Variants in ATG9A observed in about 807,000 individuals in gnomAD.
ATG9A encodes the protein autophagy related 9A.
ATG9A carries 21 observed loss-of-function variants against 87.1 expected under a neutral mutation model. The observed-to-expected ratio is 0.24, with a 90% CI of 0.17 to 0.35. ATG9A has a LOEUF of 0.35. Ranked by LOEUF, ATG9A falls within the 10% of genes least tolerant of loss-of-function variation. ATG9A has a pLI of 1.00. For synonymous variants in ATG9A, 422 were observed against 441.3 expected (o/e 0.96, Z 0.55); for missense variants, 836 against 1,107.3 (o/e 0.76, Z 3.48).
Position 219,222,401 on chromosome 2 carries a change from G to A in ATG9A, c.1898C>T (p.Pro633Leu). ...NVVAGSSCRG[P>L]PLPRDLQGSR... ...GCCCTGCAGGTCTCTGGGCAGTGGA[G>A]GGCCCCGGCAGGATGAGCCAGCTAC... is the stretch of plus-strand genomic sequence containing the variant. Residue 633 changes from proline to leucine, a missense_variant, in exon 12 of 16, where the codon CCT becomes CTT. Pro to Leu is a moderately conservative substitution (Grantham distance 98, BLOSUM62 -3). Coordinates refer to ENST00000361242, the MANE Select transcript of ATG9A (RefSeq NM_001077198.3). The surrounding 1 kb of genome is among the most constrained non-coding windows in gnomAD (Gnocchi z 4.3). 3 of 1,594,444 alleles carry A rather than the reference G, an allele frequency of 1.9e-6. No homozygotes were observed. Among genetic ancestry groups the A allele is most frequent in the Non-Finnish European group, 2.6e-6 (3 of 1,170,440 alleles).
At chr2:219,227,871 T>C in intron 3 of ATG9A, 51 bp downstream of exon 3, 2 of 1,612,600 alleles carry the variant, frequency 1.2e-6, no homozygotes, top group Non-Finnish European at 1.7e-6. Flanking sequence ...CCTTGCTCTC[T>C]CCATGTTCTT....
chr2:219,221,428 T>G (rs757444645), intron 13 of ATG9A, 126 bp from the exon 14 acceptor site: 2 of 846,556 alleles, frequency 2.4e-6, no homozygotes, highest in Non-Finnish European at 3.6e-6. Context: ...TCAGAGCACC[T>G]ATTATGTTAA....
chr2:219,220,414 A>C lies in ATG9A; in HGVS notation c.*33T>G, dbSNP rs1346027400. ...GGATGGCAGGGCAGCGGTGGCCTCC[A>C]TCCTGGGCCACAGGAACCCTGCTCA... is the stretch of plus-strand genomic sequence containing the variant. On this transcript the variant is annotated 3_prime_UTR_variant, in exon 16 of 16. Transcript: ENST00000361242. 2 of 1,613,072 alleles carry C rather than the reference A, an allele frequency of 1.2e-6. No individual in the cohort carries two copies. The highest frequency in any genetic ancestry group is 2.7e-5 in the African/African-American group (2 of 75,010).
chr2:219,222,596 G>C lies in ATG9A; in HGVS notation c.1848+49C>G. ...CCCATGCCCGGTCCCTCAACTCCCA[G>C]CTCCTGAAGTCCACTCTGCCCATCA... is the stretch of plus-strand genomic sequence containing the variant. On this transcript the variant is annotated intron_variant, in intron 11 of 15. Transcript: ENST00000361242. This position sits in a 1 kb window ranked among gnomAD's most constrained non-coding sequence, Gnocchi z 4.3. 1 of 1,607,376 alleles carries C rather than the reference G, an allele frequency of 6.2e-7. No individual in the cohort carries two copies. Among genetic ancestry groups the C allele is most frequent in the Non-Finnish European group, 8.5e-7 (1 of 1,174,830 alleles).
Position 219,224,536 on chromosome 2 carries a change from G to A in ATG9A, c.835C>T (p.Arg279Trp). 4 of 1,614,164 alleles carry A rather than the reference G, an allele frequency of 2.5e-6. No homozygotes were observed. The highest frequency in any genetic ancestry group is 1.1e-5 in the South Asian group (1 of 91,088). The change falls in exon 8 of 16, where the codon CGG (arginine) becomes TGG (tryptophan). Residue 279 changes from arginine to tryptophan, a missense_variant. Coordinates refer to ENST00000361242, the MANE Select transcript of ATG9A (RefSeq NM_001077198.3). The surrounding 1 kb of genome is among the most constrained non-coding windows in gnomAD (Gnocchi z 7.7). The part of the protein sequence containing the change: ...LKAEYKRGGQ[R>W]LELAQRLSNR... Reference sequence around the variant, plus strand: ...CTGAGGCGCTGGGCCAGCTCTAGCCGTTGCCCCCCACGTTTGTACTCGGCC... The same window carrying A: ...CTGAGGCGCTGGGCCAGCTCTAGCCATTGCCCCCCACGTTTGTACTCGGCC...
chr2:219,228,378 C>CTT, intron 2 of ATG9A, 56 bp downstream of exon 2: 1 of 259,950 alleles, frequency 3.8e-6, no homozygotes, highest in East Asian at 8.1e-5. Context: ...TCCCAAGAGA[C>CTT]TAACAGTTTG....
rs1326141662 is a variant in ATG9A, at chr2:219,224,124, A to C, written c.1247T>G (p.Val416Gly). 1.2e-6 allele frequency: 2 copies of C among 1,613,074 alleles called. No individual in the cohort carries two copies. Among genetic ancestry groups the C allele is most frequent in the Admixed American group, 3.3e-5 (2 of 59,982 alleles). Reference protein sequence around the residue: ...HVLTTVTLLGVTVTVCRSFIP... With the variant: ...HVLTTVTLLGGTVTVCRSFIP... The stretch of plus-strand genomic sequence containing the variant: ...GGCCCACCTGCACACGGTCACGGTG[A>C]CCCCCAGGAGTGTGACGGTGGTCAG... Residue 416 changes from valine (V) to glycine (G), a missense_variant, in exon 8 of 16, where the codon GTC (valine) becomes GGC (glycine). Around this residue, in one of 2 missense-constraint regions of ATG9A, gnomAD observed 512 missense variants for 759.6 expected, o/e 0.67. Coordinates refer to ENST00000361242, the MANE Select transcript of ATG9A (RefSeq NM_001077198.3). This position sits in a 1 kb window ranked among gnomAD's most constrained non-coding sequence, Gnocchi z 7.7.
chr2:219,224,531 T>C lies in ATG9A; in HGVS notation c.840A>G (p.Leu280=). The C allele has an allele frequency of 1.2e-6, 2 of 1,614,170 alleles. No homozygotes were observed. The highest frequency in any genetic ancestry group is 1.7e-6 in the Non-Finnish European group (2 of 1,180,026). Residue 280 remains leucine, a synonymous_variant, in exon 8 of 16, where the codon CTA becomes CTG. Coordinates refer to ENST00000361242, the MANE Select transcript of ATG9A (RefSeq NM_001077198.3). This position sits in a 1 kb window ranked among gnomAD's most constrained non-coding sequence, Gnocchi z 7.7. ...KAEYKRGGQR[L]ELAQRLSNRI... ...GGTTGCTGAGGCGCTGGGCCAGCTC[T>C]AGCCGTTGCCCCCCACGTTTGTACT...
In ATG9A at chr2:219,225,584, GGAA is replaced by G; in HGVS notation, c.213-15_213-13del. On this transcript the variant is annotated splice_polypyrimidine_tract_variant and intron_variant, in intron 5 of 15. Transcript: ENST00000361242. Reference sequence around the variant, plus strand: ...CAAAGAGGAACTGCCTGGGGAGTTGGGAAGAAGGGGTGCAGTCTGAGAGCCAGA... The same window carrying G: ...CAAAGAGGAACTGCCTGGGGAGTTGGGAAGGGGTGCAGTCTGAGAGCCAGA... 1 of 1,613,110 alleles carries G rather than the reference GGAA, an allele frequency of 6.2e-7. No homozygotes were observed. Among genetic ancestry groups the G allele is most frequent in the Admixed American group, 1.7e-5 (1 of 59,964 alleles).
intron 15 of ATG9A, 121 bp from the exon 16 acceptor site, chr2:219,220,573 G>A (rs1048539954): frequency 1.0e-5 from 16 of 1,529,714 alleles, no homozygotes; most frequent in Middle Eastern, 3.4e-4. Context: ...GGTAAGGTAA[G>A]GAAAAACCAA....
chr2:219,223,519 T>A lies in ATG9A; in HGVS notation c.1599+66A>T. Reference sequence around the variant, plus strand: ...ACTCAGGAGAGGTGTCTTTTTGCGGTTTTCCCAAAGACACTGTATGTTCCA... The same window carrying A: ...ACTCAGGAGAGGTGTCTTTTTGCGGATTTCCCAAAGACACTGTATGTTCCA... On this transcript the variant is annotated intron_variant, in intron 10 of 15. Coordinates refer to ENST00000361242, the MANE Select transcript of ATG9A (RefSeq NM_001077198.3). The surrounding 1 kb of genome is among the most constrained non-coding windows in gnomAD (Gnocchi z 4.7). 6.6e-7 allele frequency: 1 copy of A among 1,504,958 alleles called. No homozygotes were observed. The highest frequency in any genetic ancestry group is 8.9e-7 in the Non-Finnish European group (1 of 1,122,848). 93.2% of individuals were successfully genotyped at this position (1,504,958 alleles called of 1,614,324 possible).
intron 1 of ATG9A, 199 bp from the exon 2 acceptor site, chr2:219,228,684 G>C (rs1313977637): frequency 1.3e-5 from 2 of 152,322 alleles, no homozygotes; most frequent in African/African-American, 4.8e-5. Context: ...TCCAACTCCA[G>C]GGTCTCAAGA....
intron 4 of ATG9A, among the ~76,000 whole-genome samples, chr2:219,227,443 G>A (rs1225580026): frequency 5.3e-5 from 8 of 152,142 alleles, no homozygotes; most frequent in African/African-American, 1.9e-4. Flanking sequence ...CTTGAACCCA[G>A]GAGGTGGAGG....
At position 219,225,231 on chromosome 2, in the gene ATG9A, G is replaced by C; in HGVS notation, c.375-19C>G. ...CTGAATCCTGGTGGGGAAAAAGAAGGGGAGGAGAGGTGGCCCTCGAGGAAG... is the reference window on the plus strand; with the variant it reads ...CTGAATCCTGGTGGGGAAAAAGAAGCGGAGGAGAGGTGGCCCTCGAGGAAG... On this transcript the variant is annotated intron_variant, in intron 6 of 15. Coordinates refer to ENST00000361242, the MANE Select transcript of ATG9A (RefSeq NM_001077198.3). The C allele has an allele frequency of 6.2e-7, 1 of 1,613,896 alleles. No individual in the cohort carries two copies. Among genetic ancestry groups the C allele is most frequent in the Non-Finnish European group, 8.5e-7 (1 of 1,179,864 alleles).
rs1415342592 is a variant in ATG9A at position 219,223,126 on chromosome 2, C to T, written c.1600-233G>A. 2.1e-5 allele frequency among the ~76,000 whole-genome samples: 3 copies of T among 143,842 alleles called. No homozygotes were observed. Among genetic ancestry groups the T allele is most frequent in the South Asian group, 2.2e-4 (1 of 4,596 alleles). 94.4% of individuals were successfully genotyped at this position (143,842 alleles called of 152,430 possible). A position where few individuals can be genotyped will look rare whatever the true frequency, so the allele number is the denominator to read the frequency against. Reference sequence around the variant, plus strand: ...TTTTTGAGATGGAGTCTCGCTCTGTCGCCCAGGCTGGATTGCAGTGGCGTG... The same window carrying T: ...TTTTTGAGATGGAGTCTCGCTCTGTTGCCCAGGCTGGATTGCAGTGGCGTG... On this transcript the variant is annotated intron_variant, in intron 10 of 15. Transcript: ENST00000361242. This position sits in a 1 kb window ranked among gnomAD's most constrained non-coding sequence, Gnocchi z 4.7.
In ATG9A at chr2:219,220,175, TG is replaced by T; in HGVS notation, c.*271del. 4.0e-6 allele frequency: 2 copies of T among 505,252 alleles called. No homozygotes were observed. Among genetic ancestry groups the T allele is most frequent in the Non-Finnish European group, 7.1e-6 (2 of 280,492 alleles). The allele number at this position is 505,252 out of a possible 1,614,324, so 31.3% of individuals were successfully genotyped here. A position where few individuals can be genotyped will look rare whatever the true frequency, so the allele number is the denominator to read the frequency against. On this transcript the variant is annotated 3_prime_UTR_variant, in exon 16 of 16. Coordinates refer to ENST00000361242, the MANE Select transcript of ATG9A (RefSeq NM_001077198.3). ...AAAGGTGGCAGTACTGGGGCTGGGC[TG>T]GGGGCCAGTTTCTAGCACCACACTC...
In ATG9A at chr2:219,222,791, G is replaced by A. The variant is rs1384616332; in HGVS notation, c.1702C>T (p.Gln568Ter). 1 of 1,614,122 alleles carries A rather than the reference G, an allele frequency of 6.2e-7. No individual in the cohort carries two copies. The highest frequency in any genetic ancestry group is 8.5e-7 in the Non-Finnish European group (1 of 1,180,054). Residue 568 changes from glutamine (Q) to a stop codon, truncating the protein, a stop_gained, in exon 11 of 16, where the codon CAG becomes TAG. Coordinates refer to ENST00000361242, the MANE Select transcript of ATG9A (RefSeq NM_001077198.3). LOFTEE classifies it high-confidence loss of function. The surrounding 1 kb of genome is among the most constrained non-coding windows in gnomAD (Gnocchi z 4.3). ...MHFAITNPGW[Q>*]PPRESTAFLG... ...AAGGCTGTGCTCTCACGTGGTGGCT[G>A]CCAGCCAGGGTTGGTGATGGCAAAG...
chr2:219,222,925 G>A lies in ATG9A; in HGVS notation c.1600-32C>T. ...AAGGAAGAGCAGAGTAAGCAGGGCT[G>A]TTCTCTTCCAGGAGCCTTCCTGCAC... On this transcript the variant is annotated intron_variant, in intron 10 of 15. Coordinates refer to ENST00000361242, the MANE Select transcript of ATG9A (RefSeq NM_001077198.3). This position sits in a 1 kb window ranked among gnomAD's most constrained non-coding sequence, Gnocchi z 4.3. The A allele has an allele frequency of 6.2e-7, 1 of 1,611,006 alleles. No homozygotes were observed.
rs1950776524 is a variant in ATG9A, at chr2:219,222,279, C to G, written c.2020G>C (p.Gly674Arg). The G allele has an allele frequency of 6.2e-7, 1 of 1,613,404 alleles. No homozygotes were observed. The highest frequency in any genetic ancestry group is 1.3e-5 in the African/African-American group (1 of 74,940). The change falls in exon 12 of 16, where the codon GGC (glycine) becomes CGC (arginine). Residue 674 changes from glycine to arginine, a missense_variant. Gly to Arg is a moderately radical substitution (Grantham distance 125). This residue lies in a region of ATG9A where 324 missense variants were observed against 347.6 expected (regional missense o/e 0.93). Coordinates refer to ENST00000361242, the MANE Select transcript of ATG9A (RefSeq NM_001077198.3). The surrounding 1 kb of genome is among the most constrained non-coding windows in gnomAD (Gnocchi z 4.3). ...PTGRAHSTMT[G>R]SGVDARTASS... ...TGGCCCCGATTTACTCACCCAGAGCCTGTCATGGTGCTGTGAGCCCGGCCT... is the reference window on the plus strand; with the variant it reads ...TGGCCCCGATTTACTCACCCAGAGCGTGTCATGGTGCTGTGAGCCCGGCCT...
Sources: allele counts gnomAD v4.1 joint callset (sites outside exome capture counted in the v4.1 genomes callset), GRCh38; gene constraint gnomAD v4.1.1; regional missense constraint gnomAD v4.1.1; non-coding constraint Gnocchi (gnomAD v3.1); transcripts MANE v1.5; gene names NCBI Gene and HGNC (gene_info 2026-07-23, HGNC 2026-07-21).